Variants in BICC1 observed in about 807,000 individuals in gnomAD.
BICC1 encodes BicC family RNA binding protein 1.
BICC1 carries 43 observed loss-of-function variants against 111.0 expected under a neutral mutation model. The ratio of observed to expected loss-of-function variants is 0.39; its 90% CI spans 0.30 to 0.50. The LOEUF (loss-of-function observed/expected upper bound fraction) is 0.50, where lower values mean the gene tolerates loss of function less well. Ranked by LOEUF, BICC1 falls within the 20% of genes least tolerant of loss-of-function variation. The probability of loss-of-function intolerance (pLI) is 0.88; values close to 1 mark genes in which losing one functional copy is unlikely to be tolerated. For missense variants in BICC1, 1,091 were observed against 1,203.2 expected (o/e 0.91, Z 1.38); for synonymous variants, 467 against 434.4 (o/e 1.07, Z -0.93).
chr10:58,803,527 A>T (rs1051243548), intron 15 of BICC1, among the ~76,000 whole-genome samples: 10 of 152,152 alleles, frequency 6.6e-5, no homozygotes, highest in Admixed American at 1.3e-4. Context: ...TACTTAAAAA[A>T]TTTTCAGATG....
chr10:58,594,698 C>A (rs1199852170), intron 1 of BICC1, among the ~76,000 whole-genome samples: 2 of 152,136 alleles, frequency 1.3e-5, no homozygotes, highest in African/African-American at 4.8e-5. Context: ...CACCACTAGG[C>A]CTGCCTTACA....
chr10:58,746,929 G>A (rs1416000538), intron 3 of BICC1, among the ~76,000 whole-genome samples: 1 of 152,164 alleles, frequency 6.6e-6, no homozygotes, highest in African/African-American at 2.4e-5. Flanking sequence ...TCTGGCAACA[G>A]AGTAGTACTT....
intron 2 of BICC1, among the ~76,000 whole-genome samples, chr10:58,638,513 C>G (rs1344499181): frequency 6.6e-6 from 1 of 152,150 alleles, no homozygotes; most frequent in Admixed American, 6.6e-5. Flanking sequence ...CGCCTCTCCC[C>G]TTTTTGGTCT....
chr10:58,774,914 G>A (rs1842709547), intron 3 of BICC1, among the ~76,000 whole-genome samples: 1 of 151,874 alleles, frequency 6.6e-6, no homozygotes, highest in Non-Finnish European at 1.5e-5. Context: ...ATTATTTTTA[G>A]GAGCTCTTTG....
chr10:58,596,938 T>C lies in BICC1; in HGVS notation c.191-23917T>C, dbSNP rs368395910. Among the ~76,000 whole-genome samples, 14 of 152,300 alleles carry C rather than the reference T, an allele frequency of 9.2e-5. No homozygotes were observed. The South Asian group carries it at 1.0e-3, about 11-fold the overall frequency. ...CAAATGGAAAAACATTCCATGCTCATGGATAGGAAGAATCAATATTGTGAA... is the reference window on the plus strand; with the variant it reads ...CAAATGGAAAAACATTCCATGCTCACGGATAGGAAGAATCAATATTGTGAA... On this transcript the variant is annotated intron_variant, in intron 1 of 20. Coordinates refer to ENST00000373886, the MANE Select transcript of BICC1 (RefSeq NM_001080512.3).
chr10:58,546,424 T>C (rs1454839628), intron 1 of BICC1, among the ~76,000 whole-genome samples: 1 of 152,198 alleles, frequency 6.6e-6, no homozygotes, highest in Admixed American at 6.5e-5. Flanking sequence ...AATTTGAATT[T>C]TTACAAGCAG....
intron 2 of BICC1, among the ~76,000 whole-genome samples, chr10:58,688,056 C>T (rs1307539831): frequency 6.6e-6 from 1 of 152,132 alleles, no homozygotes; most frequent in Non-Finnish European, 1.5e-5. Context: ...GGTTCGTGGT[C>T]TTGCCGACTT....
chr10:58,528,078 C>A (rs1842591693), intron 1 of BICC1, among the ~76,000 whole-genome samples: 2 of 151,886 alleles, frequency 1.3e-5, no homozygotes, highest in African/African-American at 4.8e-5. Context: ...AATATCTGGA[C>A]TGTGTTTATA....
At chr10:58,611,756 C>T (rs949096173) in intron 1 of BICC1, among the ~76,000 whole-genome samples, 4 of 152,020 alleles carry the variant, frequency 2.6e-5, no homozygotes, top group African/African-American at 9.7e-5. Flanking sequence ...TCCCAAAGTG[C>T]TGGGATTGCA....
chr10:58,753,428 C>T (rs897407945), intron 3 of BICC1, among the ~76,000 whole-genome samples: 3 of 152,086 alleles, frequency 2.0e-5, no homozygotes, highest in African/African-American at 7.2e-5. Context: ...CTTGGTCTCC[C>T]AAAGTGCTGG....
intron 17 of BICC1, among the ~76,000 whole-genome samples, chr10:58,807,449 A>G (rs952387278): frequency 6.6e-6 from 1 of 152,180 alleles, no homozygotes; most frequent in African/African-American, 2.4e-5. Flanking sequence ...TAGGGCTGAG[A>G]TTAAGCAAAA....
At chr10:58,769,425 TA>T (rs1554830542) in intron 3 of BICC1, among the ~76,000 whole-genome samples, 1 of 145,034 alleles carries the variant, frequency 6.9e-6, no homozygotes, top group African/African-American at 2.5e-5. Flanking sequence ...TATATATATA[TA>T]ATCACAGTAT....
chr10:58,684,695 T>G (rs1466988606), intron 2 of BICC1, among the ~76,000 whole-genome samples: 1 of 152,216 alleles, frequency 6.6e-6, no homozygotes, highest in Non-Finnish European at 1.5e-5. Flanking sequence ...GATGGTAGTT[T>G]GTATTTCTGT....
chr10:58,611,621 A>G (rs1271802038), intron 1 of BICC1, among the ~76,000 whole-genome samples: 7 of 151,738 alleles, frequency 4.6e-5, no homozygotes. Context: ...GATTACAGGC[A>G]TGCTCTACCA....
At chr10:58,815,315 A>G (rs554257394) in intron 18 of BICC1, among the ~76,000 whole-genome samples, 2 of 152,266 alleles carry the variant, frequency 1.3e-5, no homozygotes, top group South Asian at 2.1e-4. Context: ...ACGGACAACT[A>G]TTTCATTCCT....
intron 1 of BICC1, among the ~76,000 whole-genome samples, chr10:58,573,735 G>T (rs1460727035): frequency 2.0e-5 from 3 of 152,132 alleles, no homozygotes; most frequent in Non-Finnish European, 4.4e-5. Flanking sequence ...TACTCTAACA[G>T]ATCTGTGCAT....
At chr10:58,656,890 G>A (rs972143183) in intron 2 of BICC1, among the ~76,000 whole-genome samples, 5 of 152,026 alleles carry the variant, frequency 3.3e-5, no homozygotes, top group South Asian at 4.1e-4. Flanking sequence ...ATTTTATCTC[G>A]GCATAACAGT....
intron 2 of BICC1, among the ~76,000 whole-genome samples, chr10:58,696,786 G>A (rs1472318275): frequency 6.6e-6 from 1 of 152,176 alleles, no homozygotes; most frequent in African/African-American, 2.4e-5. Context: ...AATACTTAAT[G>A]TGTGTTTTAA....
chr10:58,610,452 G>T (rs1327343344), intron 1 of BICC1, among the ~76,000 whole-genome samples: 8 of 152,096 alleles, frequency 5.3e-5, no homozygotes, highest in African/African-American at 1.9e-4. Context: ...GACAGATTAG[G>T]AATCCTCCCC....
Sources: gnomAD v4.1 joint callset for allele counts (sites outside exome capture counted in the v4.1 genomes callset) on GRCh38, gnomAD v4.1.1 for gene constraint, MANE v1.5 for transcripts, NCBI Gene and HGNC (gene_info 2026-07-23, HGNC 2026-07-21) for gene names.